Variants in STX3 observed in about 807,000 individuals in gnomAD.
STX3 encodes the protein syntaxin 3, also known as syntaxin-3.
A neutral mutation model predicts 40.2 loss-of-function variants in STX3; 19 were observed. The ratio of observed to expected loss-of-function variants is 0.47; its 90% confidence interval spans 0.33 to 0.69. The LOEUF (loss-of-function observed/expected upper bound fraction) is 0.69, where lower values mean the gene tolerates loss of function less well. STX3 is among the 30% of genes least tolerant of loss of function. The pLI is 0.02. For synonymous variants in STX3, 122 were observed against 132.2 expected (o/e 0.92, Z 0.53); for missense variants, 364 against 366.7 (o/e 0.99, Z 0.06).
chr11:59,762,282 G>A (rs1425087606), intron 1 of STX3, among the ~76,000 whole-genome samples: 1 of 152,248 alleles, frequency 6.6e-6, no homozygotes, highest in African/African-American at 2.4e-5. Context: ...CCAGATGGCT[G>A]AGGACAAAGT....
At chr11:59,787,255 G>T in intron 3 of STX3, 119 bp downstream of exon 3, 1 of 756,800 alleles carries the variant, frequency 1.3e-6, no homozygotes, top group Non-Finnish European at 2.1e-6. Flanking sequence ...GGGCACTAGT[G>T]TACATATTAT....
Position 59,801,822 on chromosome 11 carries a change from CAAAA to C in STX3, c.*1006_*1009del, listed in dbSNP as rs75334454. 3 of 760,958 alleles carry C rather than the reference CAAAA, an allele frequency of 3.9e-6. No homozygotes were observed. Among genetic ancestry groups the C allele is most frequent in the Non-Finnish European group, 4.7e-6 (3 of 633,028 alleles). The allele number at this position is 760,958 out of a possible 1,614,324, so 47.1% of individuals were successfully genotyped here. On this transcript the variant is annotated 3_prime_UTR_variant, in exon 11 of 11. Transcript: ENST00000337979. The stretch of plus-strand genomic sequence containing the variant: ...ATAAAAATGGAAGCTATTATGACCT[CAAAA>C]AAAAAAAGCCAACTTTGAGCTAGGA...
intron 7 of STX3, 69 bp downstream of exon 7, chr11:59,793,241 A>G: frequency 6.2e-7 from 1 of 1,608,452 alleles, no homozygotes; most frequent in Non-Finnish European, 8.5e-7. Flanking sequence ...GAGCTCATGC[A>G]GTCCAGCAGG....
chr11:59,784,673 A>G (rs1864637011), intron 2 of STX3, among the ~76,000 whole-genome samples: 1 of 152,182 alleles, frequency 6.6e-6, no homozygotes, highest in Non-Finnish European at 1.5e-5. Context: ...TTGTGCAGGG[A>G]AACTCCTGTT....
intron 1 of STX3, 99 bp downstream of exon 1, chr11:59,755,734 C>T: frequency 2.1e-6 from 3 of 1,407,368 alleles, no homozygotes; most frequent in Non-Finnish European, 1.9e-6. Flanking sequence ...GGGCCCGAGC[C>T]GGAGGCTTGC....
intron 9 of STX3, among the ~76,000 whole-genome samples, chr11:59,796,620 CCTTTACATTCCCT>C (rs1483352223): frequency 6.6e-6 from 1 of 152,038 alleles, no homozygotes; most frequent in Non-Finnish European, 1.5e-5. Flanking sequence ...ATCAAAAATG[CCTTTACATTCCCT>C]CTTAAAATGG....
chr11:59,801,916 A>C lies in STX3; in HGVS notation c.*1092A>C, dbSNP rs535006390. On this transcript the variant is annotated 3_prime_UTR_variant, in exon 11 of 11. Transcript: ENST00000337979. The stretch of plus-strand genomic sequence containing the variant: ...ATCACTGTGGAAATGTGATCTTCCC[A>C]TATCATCAAGAAACTTGTTTTCTGG... The C allele has an allele frequency of 8.1e-5, 80 of 985,496 alleles. 1 individual carries two copies. The African/African-American group carries it at 1.3e-3, about 16-fold the overall frequency. The allele number at this position is 985,496 out of a possible 1,614,324, so 61.0% of individuals were successfully genotyped here.
chr11:59,798,974 C>G (rs1330819937), intron 10 of STX3, among the ~76,000 whole-genome samples: 1 of 152,196 alleles, frequency 6.6e-6, no homozygotes, highest in Non-Finnish European at 1.5e-5. Flanking sequence ...ACTGCAACCT[C>G]TGCCTCCCAG....
rs936135469 is a variant in STX3, at chr11:59,785,601, G to T, written c.115-1436G>T. 3.3e-5 allele frequency among the ~76,000 whole-genome samples: 5 copies of T among 152,278 alleles called. No individual in the cohort carries two copies. In the Middle Eastern group the frequency reaches 0.01, roughly 311 times the overall value. On this transcript the variant is annotated intron_variant, in intron 2 of 10. Coordinates refer to ENST00000337979, the MANE Select transcript of STX3 (RefSeq NM_004177.5). ...CTGCCTCGGCCTCTCAAAGTGCTGG[G>T]ATTACAGGTGTGAGCCATTGTGCCT...
At chr11:59,771,937 G>A (rs531458099) in intron 1 of STX3, among the ~76,000 whole-genome samples, 1 of 152,302 alleles carries the variant, frequency 6.6e-6, no homozygotes, top group South Asian at 2.1e-4. Flanking sequence ...TTAACCTGGG[G>A]ATGCTGATTG....
At chr11:59,757,121 C>G (rs183479590) in intron 1 of STX3, among the ~76,000 whole-genome samples, 12 of 152,218 alleles carry the variant, frequency 7.9e-5, no homozygotes, top group Admixed American at 2.6e-4. Context: ...GAATTTATTG[C>G]CCCTGTTTTT....
chr11:59,781,293 C>T (rs1864365734), intron 2 of STX3: 6 of 1,559,312 alleles, frequency 3.8e-6, no homozygotes, highest in East Asian at 2.2e-5. Context: ...TAACTCCTGT[C>T]CAAAGTGATG....
intron 6 of STX3, among the ~76,000 whole-genome samples, chr11:59,792,830 T>C (rs907449791): frequency 2.0e-5 from 3 of 152,092 alleles, no homozygotes; most frequent in Admixed American, 2.0e-4. Context: ...TATGAGGGCC[T>C]TGGACACCAT....
intron 9 of STX3, 88 bp from the exon 10 acceptor site, chr11:59,797,195 G>GT (rs1865571210): frequency 1.1e-6 from 1 of 910,776 alleles, no homozygotes; most frequent in East Asian, 2.4e-5. Flanking sequence ...TTTCTATGTA[G>GT]AGGTGACAGG....
Position 59,761,423 on chromosome 11 carries a change from GCT to G in STX3, c.30+5791_30+5792del, listed in dbSNP as rs1303021669. Reference sequence around the variant, plus strand: ...GGTATTGCAATTTCAGATGCCACTGGCTCTGTTAGTTCTTGTGCTCTGGGAGA... The same window carrying G: ...GGTATTGCAATTTCAGATGCCACTGGCTGTTAGTTCTTGTGCTCTGGGAGA... On this transcript the variant is annotated intron_variant, in intron 1 of 10. Transcript: ENST00000337979. Among the ~76,000 whole-genome samples the G allele has an allele frequency of 2.6e-5, 4 of 152,274 alleles. No homozygotes were observed. The East Asian group carries it at 7.7e-4, about 29-fold the overall frequency.
intron 1 of STX3, among the ~76,000 whole-genome samples, chr11:59,768,608 G>T (rs1219603212): frequency 6.6e-6 from 1 of 152,196 alleles, no homozygotes; most frequent in East Asian, 1.9e-4. Context: ...TCAAGTTGAT[G>T]AGCAGAAGGT....
At position 59,759,472 on chromosome 11, in the gene STX3, A is replaced by G. The variant is rs115473735; in HGVS notation, c.30+3837A>G. 5.0e-3 allele frequency among the ~76,000 whole-genome samples: 769 copies of G among 152,326 alleles called. 6 individuals are homozygous for G. Among genetic ancestry groups the G allele is most frequent in the African/African-American group, 0.017 (727 of 41,564 alleles). On this transcript the variant is annotated intron_variant, in intron 1 of 10. Coordinates refer to ENST00000337979, the MANE Select transcript of STX3 (RefSeq NM_004177.5). ...AAGTCCTAGTATCAAAGGGTAAATG[A>G]TCACATAGGGAAGACAAAGACATGT...
rs770455222 is a variant in STX3, at chr11:59,801,590, A to T, written c.*766A>T. On this transcript the variant is annotated 3_prime_UTR_variant, in exon 11 of 11. Coordinates refer to ENST00000337979, the MANE Select transcript of STX3 (RefSeq NM_004177.5). ...TCTGAGTCTTAGAAACTGGCTGCTC[A>T]TTGTTAGAAAGTGATGCTTTGTGAG... 3 of 985,342 alleles carry T rather than the reference A, an allele frequency of 3.0e-6. No homozygotes were observed. The African/African-American group carries it at 5.2e-5, about 17-fold the overall frequency. 61.0% of individuals were successfully genotyped at this position (985,342 alleles called of 1,614,324 possible). A position where few individuals can be genotyped will look rare whatever the true frequency, so the allele number is the denominator to read the frequency against.
At chr11:59,770,199 G>C (rs989763276) in intron 1 of STX3, among the ~76,000 whole-genome samples, 7 of 150,152 alleles carry the variant, frequency 4.7e-5, no homozygotes, top group African/African-American at 1.7e-4. Flanking sequence ...GTGTATGAAA[G>C]GTATATGAAG....
Sources: allele counts gnomAD v4.1 joint callset (sites outside exome capture counted in the v4.1 genomes callset), GRCh38; gene constraint gnomAD v4.1.1; transcripts MANE v1.5; gene names NCBI Gene and HGNC (gene_info 2026-07-23, HGNC 2026-07-21).